ATP8A1: variants seen among roughly 807,000 people sequenced by gnomAD.
The protein encoded by ATP8A1 is ATPase phospholipid transporting 8A1.
In ATP8A1, 90 loss-of-function variants were observed where a neutral mutation model predicts 177.7. The observed-to-expected ratio is 0.51, with a 90% CI of 0.43 to 0.60. The LOEUF (loss-of-function observed/expected upper bound fraction) is 0.60, where lower values mean the gene tolerates loss of function less well. ATP8A1 is among the 20% of genes least tolerant of loss of function. ATP8A1 has a pLI of 0.00. For missense variants in ATP8A1, 1,072 were observed against 1,392.8 expected, an observed-to-expected ratio of 0.77 and a Z score of 3.67; for synonymous variants, 493 against 485.9, an observed-to-expected ratio of 1.01 and a Z score of -0.19.
At chr4:42,509,807 A>G (rs916073814) in intron 22 of ATP8A1, among the ~76,000 whole-genome samples, 52 of 149,482 alleles carry the variant, frequency 3.5e-4, no homozygotes, top group Non-Finnish European at 6.9e-4. Context: ...AGCCGAGATC[A>G]AGCCACTGCA....
At chr4:42,452,328 A>C (rs1229807523) in intron 29 of ATP8A1, among the ~76,000 whole-genome samples, 1 of 152,202 alleles carries the variant, frequency 6.6e-6, no homozygotes, top group Admixed American at 6.5e-5. Context: ...CCTGAAAAAG[A>C]AAATAAAATT....
intron 20 of ATP8A1, among the ~76,000 whole-genome samples, chr4:42,534,920 T>C (rs1408963819): frequency 6.6e-6 from 1 of 152,052 alleles, no homozygotes; most frequent in Non-Finnish European, 1.5e-5. Flanking sequence ...GCTTCATAAA[T>C]GAAGGAAAGA....
intron 5 of ATP8A1, among the ~76,000 whole-genome samples, chr4:42,602,638 G>A (rs1191229416): frequency 3.3e-5 from 5 of 151,990 alleles, no homozygotes; most frequent in South Asian, 2.1e-4. Flanking sequence ...GCATGGTGGC[G>A]CACACCCGTA....
At chr4:42,454,384 C>A in intron 29 of ATP8A1, among the ~76,000 whole-genome samples, 1 of 152,176 alleles carries the variant, frequency 6.6e-6, no homozygotes, top group East Asian at 1.9e-4. Flanking sequence ...GTCCTGAATT[C>A]AAGATTCTGA....
At chr4:42,486,455 T>C (rs1160838160) in intron 24 of ATP8A1, among the ~76,000 whole-genome samples, 1 of 152,150 alleles carries the variant, frequency 6.6e-6, no homozygotes. Context: ...TTTGAATAAA[T>C]TTTGCTTTTA....
chr4:42,557,812 G>A (rs1234164222), intron 15 of ATP8A1, among the ~76,000 whole-genome samples: 4 of 152,128 alleles, frequency 2.6e-5, no homozygotes. Context: ...GGAGGCTGAG[G>A]TGAACAGATC....
intron 6 of ATP8A1, among the ~76,000 whole-genome samples, chr4:42,594,850 T>C (rs1339437361): frequency 6.6e-6 from 1 of 152,140 alleles, no homozygotes; most frequent in African/African-American, 2.4e-5. Context: ...GTTGAAGAGC[T>C]TAGACTCAAA....
intron 24 of ATP8A1, among the ~76,000 whole-genome samples, chr4:42,499,389 T>G (rs1723591257): frequency 6.6e-6 from 1 of 152,156 alleles, no homozygotes; most frequent in African/African-American, 2.4e-5. Context: ...GGATTTGAGA[T>G]GTAGCTCTAC....
At chr4:42,469,090 T>C (rs1467146079) in intron 25 of ATP8A1, among the ~76,000 whole-genome samples, 2 of 152,188 alleles carry the variant, frequency 1.3e-5, no homozygotes, top group Non-Finnish European at 2.9e-5. Flanking sequence ...GAGACCAGAA[T>C]GTACTGATTC....
At chr4:42,443,857 C>A (rs1319285385) in intron 32 of ATP8A1, among the ~76,000 whole-genome samples, 185 bp from the exon 33 acceptor site, 1 of 152,158 alleles carries the variant, frequency 6.6e-6, no homozygotes. Flanking sequence ...TCTTCTACAA[C>A]AGTTGCAATG....
chr4:42,594,265 T>G, intron 6 of ATP8A1: 1 of 1,460,970 alleles, frequency 6.8e-7, no homozygotes, highest in Non-Finnish European at 9.6e-7. Flanking sequence ...TCTACACTGT[T>G]TGAGCATCAG....
At chr4:42,563,570 A>G (rs1031772015) in intron 15 of ATP8A1, among the ~76,000 whole-genome samples, 6 of 152,240 alleles carry the variant, frequency 3.9e-5, no homozygotes, top group Admixed American at 6.5e-5. Context: ...TCTCCAGGGC[A>G]TGTCAGAGGT....
At chr4:42,603,909 A>G (rs1372366792) in intron 5 of ATP8A1, among the ~76,000 whole-genome samples, 1 of 152,232 alleles carries the variant, frequency 6.6e-6, no homozygotes, top group Non-Finnish European at 1.5e-5. Flanking sequence ...CCATACACAC[A>G]AACTTGGGTC....
intron 3 of ATP8A1, 82 bp from the exon 4 acceptor site, chr4:42,624,716 T>C: frequency 1.5e-6 from 1 of 657,232 alleles, no homozygotes; most frequent in East Asian, 3.1e-5. Context: ...TCTCAGTGCC[T>C]TCTAAAATAT....
chr4:42,486,768 C>A (rs550462794), intron 24 of ATP8A1, among the ~76,000 whole-genome samples: 114 of 152,272 alleles, frequency 7.5e-4, no homozygotes, highest in Non-Finnish European at 1.3e-3. Flanking sequence ...TTTAGATATA[C>A]AAATACCACT....
intron 22 of ATP8A1, among the ~76,000 whole-genome samples, chr4:42,510,564 C>G (rs534405333): frequency 3.3e-4 from 50 of 151,844 alleles, no homozygotes; most frequent in African/African-American, 1.1e-3. Context: ...CTTATTAATA[C>G]AAGCCCTCAA....
At chr4:42,601,033 C>CCTT (rs756770114) in intron 5 of ATP8A1, among the ~76,000 whole-genome samples, 10 of 102,430 alleles carry the variant, frequency 9.8e-5, no homozygotes, top group Admixed American at 1.2e-4. Context: ...CCCAAATTTT[C>CCTT]TTTTTTTTTT....
chr4:42,531,668 T>A (rs903290919), intron 20 of ATP8A1, among the ~76,000 whole-genome samples: 1 of 152,144 alleles, frequency 6.6e-6, no homozygotes, highest in African/African-American at 2.4e-5. Flanking sequence ...TGCAAAAAAC[T>A]GAAGACTCTA....
intron 7 of ATP8A1, among the ~76,000 whole-genome samples, chr4:42,589,308 T>C (rs1733928610): frequency 6.6e-6 from 1 of 152,258 alleles, no homozygotes; most frequent in African/African-American, 2.4e-5. Context: ...ATAAGTATTA[T>C]AAATGTAATC....
Sources: allele counts gnomAD v4.1 joint callset (sites outside exome capture counted in the v4.1 genomes callset), GRCh38; gene constraint gnomAD v4.1.1; transcripts MANE v1.5; gene names NCBI Gene and HGNC (gene_info 2026-07-23, HGNC 2026-07-21).